The following HIP1 variants were observed in gnomAD, a reference collection of about 807,000 sequenced individuals.
HIP1 encodes huntingtin-interacting protein 1.
In HIP1, 65 loss-of-function variants were observed where a neutral mutation model predicts 147.6. That is an observed-to-expected ratio of 0.44 (90% confidence interval 0.36 to 0.54). HIP1 has a LOEUF of 0.54. Ranked by LOEUF, HIP1 falls within the 20% of genes least tolerant of loss-of-function variation. The pLI is 0.00. For synonymous variants in HIP1, 479 were observed against 504.0 expected, an observed-to-expected ratio of 0.95 and a Z score of 0.67; for missense variants, 1,061 against 1,299.6, an observed-to-expected ratio of 0.82 and a Z score of 2.82.
intron 1 of HIP1, among the ~76,000 whole-genome samples, chr7:75,642,297 G>A (rs1563264913): frequency 6.6e-6 from 1 of 152,182 alleles, no homozygotes; most frequent in Non-Finnish European, 1.5e-5. Flanking sequence ...CAGCACTTTG[G>A]GAGGCTGAGG....
intron 1 of HIP1, among the ~76,000 whole-genome samples, chr7:75,676,445 A>G (rs572047907): frequency 6.6e-6 from 1 of 152,150 alleles, no homozygotes; most frequent in South Asian, 2.1e-4. Flanking sequence ...ACACACGCAC[A>G]TGGCCATCTG....
At chr7:75,679,191 A>G (rs972635425) in intron 1 of HIP1, among the ~76,000 whole-genome samples, 3 of 152,150 alleles carry the variant, frequency 2.0e-5, no homozygotes, top group Non-Finnish European at 2.9e-5. Context: ...TGCTAGATCA[A>G]CAATACATCT....
chr7:75,650,649 C>T (rs528232556), intron 1 of HIP1, among the ~76,000 whole-genome samples: 10 of 152,222 alleles, frequency 6.6e-5, no homozygotes, highest in Admixed American at 2.6e-4. Context: ...GACGGGGTTT[C>T]GCCATGTTGG....
intron 1 of HIP1, among the ~76,000 whole-genome samples, 198 bp downstream of exon 1, chr7:75,738,603 T>C (rs1802103022): frequency 6.6e-6 from 1 of 151,878 alleles, no homozygotes; most frequent in Non-Finnish European, 1.5e-5. Flanking sequence ...TCTGCCCTTC[T>C]CCCCAGGCCA....
intron 15 of HIP1, 59 bp downstream of exon 15, chr7:75,558,108 C>A: frequency 7.0e-7 from 1 of 1,419,798 alleles, no homozygotes; most frequent in Non-Finnish European, 1.0e-6. Context: ...CAGGCCTGAG[C>A]CGCTCTCTCC....
chr7:75,674,996 T>C (rs1799848947), intron 1 of HIP1, among the ~76,000 whole-genome samples: 1 of 152,054 alleles, frequency 6.6e-6, no homozygotes, highest in South Asian at 2.1e-4. Flanking sequence ...GAATTTAGCA[T>C]AATTTCAAGT....
intron 13 of HIP1, among the ~76,000 whole-genome samples, chr7:75,560,292 AGACTG>A (rs1795182277): frequency 6.6e-6 from 1 of 151,714 alleles, no homozygotes; most frequent in East Asian, 1.9e-4. Context: ...ACTATCACCT[AGACTG>A]GAGTGCAGTG....
At chr7:75,684,245 G>C (rs1394632682) in intron 1 of HIP1, among the ~76,000 whole-genome samples, 5 of 151,938 alleles carry the variant, frequency 3.3e-5, no homozygotes, top group Admixed American at 2.6e-4. Flanking sequence ...TTAGGAGTTT[G>C]AGAACAGCCT....
rs568234553 is a variant in HIP1, at chr7:75,716,702, A to G, written c.120+22099T>C. Among the ~76,000 whole-genome samples the G allele has an allele frequency of 3.1e-3, 464 of 149,836 alleles. 2 individuals carry two copies. The highest frequency in any genetic ancestry group is 2.4e-3 in the Non-Finnish European group (164 of 67,580). On this transcript the variant is annotated intron_variant, in intron 1 of 30. Coordinates refer to ENST00000336926, the MANE Select transcript of HIP1 (RefSeq NM_005338.7). Reference sequence around the variant, plus strand: ...GCCCGGCTAATTTTTTTGTATTTTTAGTAGAGACAGGGTTTCACCGTGTTA... The same window carrying G: ...GCCCGGCTAATTTTTTTGTATTTTTGGTAGAGACAGGGTTTCACCGTGTTA...
At chr7:75,548,836 G>A in intron 23 of HIP1, 55 bp downstream of exon 23, 2 of 1,257,680 alleles carry the variant, frequency 1.6e-6, no homozygotes, top group Admixed American at 3.4e-5. Context: ...GAGCAGTGTT[G>A]CAGAAGGGCA....
At chr7:75,716,838 A>T (rs1308347803) in intron 1 of HIP1, among the ~76,000 whole-genome samples, 4 of 148,734 alleles carry the variant, frequency 2.7e-5, no homozygotes, top group African/African-American at 1.0e-4. Flanking sequence ...GGGGGGGGAA[A>T]GGATCTCACT....
At chr7:75,608,344 G>A in intron 1 of HIP1, among the ~76,000 whole-genome samples, 1 of 152,078 alleles carries the variant, frequency 6.6e-6, no homozygotes. Flanking sequence ...TGTTTTATTT[G>A]GCTGCTAACT....
chr7:75,591,966 T>A, intron 4 of HIP1, 90 bp downstream of exon 4: 3 of 1,028,104 alleles, frequency 2.9e-6, no homozygotes, highest in Non-Finnish European at 4.6e-6. Context: ...CTGAAGGAGA[T>A]GAATTTATTT....
At chr7:75,586,551 G>A (rs1554499668) in intron 5 of HIP1, among the ~76,000 whole-genome samples, 1 of 152,080 alleles carries the variant, frequency 6.6e-6, no homozygotes, top group Non-Finnish European at 1.5e-5. Flanking sequence ...AGAAGACACG[G>A]GCCAAAATCC....
intron 1 of HIP1, among the ~76,000 whole-genome samples, chr7:75,671,523 G>A (rs915446060): frequency 6.6e-6 from 1 of 152,096 alleles, no homozygotes; most frequent in African/African-American, 2.4e-5. Flanking sequence ...TGCTATGAAC[G>A]TGGATGTACA....
chr7:75,664,085 TAC>T lies in HIP1; in HGVS notation c.121-64840_121-64839del, dbSNP rs1413967882. 3.6e-5 allele frequency among the ~76,000 whole-genome samples: 4 copies of T among 111,190 alleles called. 1 individual carries two copies. Among genetic ancestry groups the T allele is most frequent in the Admixed American group, 2.0e-4 (2 of 9,882 alleles). 72.9% of individuals were successfully genotyped at this position (111,190 alleles called of 152,430 possible). A position where few individuals can be genotyped will look rare whatever the true frequency, so the allele number is the denominator to read the frequency against. On this transcript the variant is annotated intron_variant, in intron 1 of 30. Coordinates refer to ENST00000336926, the MANE Select transcript of HIP1 (RefSeq NM_005338.7). ...ATATATGTGTATATACACACACATA[TAC>T]ACACATATGTGCATACATACATGTA...
intron 1 of HIP1, among the ~76,000 whole-genome samples, chr7:75,622,825 A>T (rs1554507360): frequency 6.6e-6 from 1 of 151,864 alleles, no homozygotes; most frequent in Non-Finnish European, 1.5e-5. Context: ...CCTGGGCAAC[A>T]GAGCAAGATT....
rs1554491595 is a variant in HIP1 at position 75,549,015 on chromosome 7, A to G, written c.2296-14T>C. 1 of 1,577,012 alleles carries G rather than the reference A, an allele frequency of 6.3e-7. No homozygotes were observed. On this transcript the variant is annotated splice_polypyrimidine_tract_variant and intron_variant, in intron 22 of 30. Coordinates refer to ENST00000336926, the MANE Select transcript of HIP1 (RefSeq NM_005338.7). ...GGGCAGGAGCTCCTGTGAACACATCACAAAGGCTGAACTGACCTTGGGGCC... is the reference window on the plus strand; with the variant it reads ...GGGCAGGAGCTCCTGTGAACACATCGCAAAGGCTGAACTGACCTTGGGGCC...
chr7:75,711,502 C>A (rs1801165100), intron 1 of HIP1, among the ~76,000 whole-genome samples: 1 of 152,154 alleles, frequency 6.6e-6, no homozygotes. Flanking sequence ...TAGTTTCTCT[C>A]CCAAAAGAGA....
Sources: gnomAD v4.1 joint callset for allele counts (sites outside exome capture counted in the v4.1 genomes callset) on GRCh38, gnomAD v4.1.1 for gene constraint, MANE v1.5 for transcripts, NCBI Gene and HGNC (gene_info 2026-07-23, HGNC 2026-07-21) for gene names.